FSTL5: variants seen among roughly 807,000 people sequenced by gnomAD.
FSTL5 encodes follistatin-related protein 5.
In FSTL5, 62 loss-of-function variants were observed where a neutral mutation model predicts 89.1. That is an observed-to-expected ratio of 0.70 (90% CI 0.57 to 0.86). FSTL5 has a LOEUF of 0.86. Among genes scored for constraint, FSTL5 ranks in the 40% least tolerant of loss-of-function variants. FSTL5 has a pLI of 0.00. For missense variants in FSTL5, 1,057 were observed against 1,001.6 expected, an observed-to-expected ratio of 1.06 and a Z score of -0.75; for synonymous variants, 383 against 346.2, an observed-to-expected ratio of 1.11 and a Z score of -1.18.
chr4:161,624,841 G>C (rs1735260453), intron 7 of FSTL5, among the ~76,000 whole-genome samples: 2 of 152,058 alleles, frequency 1.3e-5, no homozygotes. Context: ...TGTAGATACT[G>C]CTGAATTTGG....
intron 3 of FSTL5, among the ~76,000 whole-genome samples, chr4:161,975,339 A>G (rs1735603820): frequency 6.6e-6 from 1 of 152,148 alleles, no homozygotes; most frequent in Non-Finnish European, 1.5e-5. Context: ...AATAGTAAAG[A>G]CTTGGAACCA....
chr4:161,812,517 A>AAAACAC (rs1553967976), intron 4 of FSTL5, among the ~76,000 whole-genome samples: 4 of 151,332 alleles, frequency 2.6e-5, no homozygotes, highest in East Asian at 2.0e-4. Flanking sequence ...AGTTAAGAAA[A>AAAACAC]ACACACACAC....
intron 4 of FSTL5, among the ~76,000 whole-genome samples, chr4:161,840,984 G>A (rs1196383845): frequency 6.6e-6 from 1 of 152,164 alleles, no homozygotes; most frequent in Admixed American, 6.5e-5. Context: ...ACACCTGGAA[G>A]CATTACTGAA....
chr4:162,014,104 G>A (rs1275149673), intron 3 of FSTL5, among the ~76,000 whole-genome samples: 2 of 152,180 alleles, frequency 1.3e-5, no homozygotes, highest in Admixed American at 6.5e-5. Context: ...GCTCCACCCT[G>A]CATCTGTGGA....
intron 4 of FSTL5, among the ~76,000 whole-genome samples, chr4:161,786,501 C>T (rs553874477): frequency 6.6e-6 from 1 of 152,164 alleles, no homozygotes; most frequent in Middle Eastern, 3.4e-3. Flanking sequence ...CTGTAAGAGT[C>T]CTATGAGAGT....
At chr4:161,822,368 G>A (rs553432439) in intron 4 of FSTL5, among the ~76,000 whole-genome samples, 17 of 152,184 alleles carry the variant, frequency 1.1e-4, no homozygotes, top group Admixed American at 2.0e-4. Flanking sequence ...TGCCAAGGAT[G>A]AGCCAGGTGC....
At chr4:161,567,074 C>G (rs557962990) in intron 8 of FSTL5, among the ~76,000 whole-genome samples, 19 of 152,070 alleles carry the variant, frequency 1.2e-4, no homozygotes, top group Non-Finnish European at 2.2e-4. Context: ...TTAGATAATT[C>G]CAGTCATAAC....
intron 15 of FSTL5, among the ~76,000 whole-genome samples, chr4:161,426,253 A>T (rs1490972438): frequency 5.9e-5 from 9 of 152,202 alleles, no homozygotes; most frequent in African/African-American, 2.2e-4. Context: ...TGAAGAGTTT[A>T]ACAAATTCTA....
intron 6 of FSTL5, among the ~76,000 whole-genome samples, chr4:161,747,599 C>T (rs1375516172): frequency 1.3e-5 from 2 of 152,180 alleles, no homozygotes; most frequent in African/African-American, 4.8e-5. Flanking sequence ...AACATAGATG[C>T]TATTTGTTTG....
chr4:161,444,594 A>T (rs146088164), intron 15 of FSTL5, among the ~76,000 whole-genome samples: 10 of 151,962 alleles, frequency 6.6e-5, no homozygotes, highest in African/African-American at 2.4e-4. Flanking sequence ...GTAGACTTTG[A>T]AGGATTTATT....
chr4:161,900,655 A>AAAAAAG (rs1733331134), intron 4 of FSTL5, among the ~76,000 whole-genome samples: 3 of 110,970 alleles, frequency 2.7e-5, no homozygotes, highest in African/African-American at 9.4e-5. Flanking sequence ...AAAAAAAAAA[A>AAAAAAG]AAAGAAAGAA....
At chr4:161,779,764 T>TATATATATATATATATATATATATAC (rs1244175042) in intron 4 of FSTL5, among the ~76,000 whole-genome samples, 2 of 14,956 alleles carry the variant, frequency 1.3e-4, no homozygotes, top group South Asian at 4.3e-3. Context: ...TAAAGTTATA[T>TATATATATATATATATATATATATAC]ATATATATAT....
Position 162,134,658 on chromosome 4 carries a change from T to C in FSTL5, c.-16-23246A>G, listed in dbSNP as rs75477428. 5.0e-4 allele frequency among the ~76,000 whole-genome samples: 76 copies of C among 152,346 alleles called. 3 individuals carry two copies. The East Asian group carries it at 0.014, about 29-fold the overall frequency. Reference sequence around the variant, plus strand: ...TTGTAATTTCATAGTCCCATTCACTTGCTAGAGGGAAGAGAGAACAACAAA... The same window carrying C: ...TTGTAATTTCATAGTCCCATTCACTCGCTAGAGGGAAGAGAGAACAACAAA... On this transcript the variant is annotated intron_variant, in intron 1 of 15. Transcript: ENST00000306100.
chr4:162,085,034 C>T (rs569231599), intron 2 of FSTL5, among the ~76,000 whole-genome samples: 3 of 151,800 alleles, frequency 2.0e-5, no homozygotes, highest in South Asian at 2.1e-4. Context: ...AGTATAGGGA[C>T]GGGAAAAAAA....
rs1191617303 is a variant in FSTL5 at position 161,826,513 on chromosome 4, CATCT to C, written c.410-50443_410-50440del. Among the ~76,000 whole-genome samples, 13 of 152,090 alleles carry C rather than the reference CATCT, an allele frequency of 8.5e-5. 2 individuals are homozygous for C. Among genetic ancestry groups the C allele is most frequent in the Middle Eastern group, 3.4e-3 (1 of 294 alleles). On this transcript the variant is annotated intron_variant, in intron 4 of 15. Transcript: ENST00000306100. ...AAGTCCCCCACTAATATTGTGTTGCCATCTATCTCATTTCTTATGTCTGGTAGTA... is the reference window on the plus strand; with the variant it reads ...AAGTCCCCCACTAATATTGTGTTGCCATCTCATTTCTTATGTCTGGTAGTA...
chr4:161,634,361 T>A (rs1002554866), intron 7 of FSTL5, among the ~76,000 whole-genome samples: 1 of 152,208 alleles, frequency 6.6e-6, no homozygotes, highest in African/African-American at 2.4e-5. Flanking sequence ...AAGCTATAAA[T>A]CAATCATCCA....
intron 4 of FSTL5, among the ~76,000 whole-genome samples, chr4:161,884,934 C>T (rs1272792344): frequency 6.6e-6 from 1 of 151,936 alleles, no homozygotes; most frequent in Non-Finnish European, 1.5e-5. Context: ...GTAGTCATTG[C>T]TCTTCATCTC....
chr4:162,091,857 A>C (rs1730561621), intron 2 of FSTL5, among the ~76,000 whole-genome samples: 1 of 151,746 alleles, frequency 6.6e-6, no homozygotes, highest in African/African-American at 2.4e-5. Flanking sequence ...TTTATTAGTT[A>C]TATTTATATA....
At chr4:161,662,744 T>C (rs1702871701) in intron 6 of FSTL5, among the ~76,000 whole-genome samples, 1 of 152,084 alleles carries the variant, frequency 6.6e-6, no homozygotes, top group African/African-American at 2.4e-5. Context: ...AATCAATAGA[T>C]TGAAGAAGCA....
Sources: gnomAD v4.1 joint callset for allele counts (sites outside exome capture counted in the v4.1 genomes callset) on GRCh38, gnomAD v4.1.1 for gene constraint, MANE v1.5 for transcripts, NCBI Gene and HGNC (gene_info 2026-07-23, HGNC 2026-07-21) for gene names.